SLC16A4: variants seen among roughly 807,000 people sequenced by gnomAD.
SLC16A4 encodes probable monocarboxylate transporter 5.
Under a neutral mutation model 47.9 loss-of-function variants are expected in SLC16A4, and 39 were observed. The ratio of observed to expected loss-of-function variants is 0.81; its 90% CI spans 0.63 to 1.06. The LOEUF is 1.06. Among genes scored for constraint, SLC16A4 ranks in the 50% least tolerant of loss-of-function variants. SLC16A4 has a pLI of 0.00. For synonymous variants in SLC16A4, 189 were observed against 199.9 expected, an observed-to-expected ratio of 0.95 and a Z score of 0.46; for missense variants, 524 against 573.8, an observed-to-expected ratio of 0.91 and a Z score of 0.89.
At chr1:110,375,279 A>G (rs1661928469) in intron 8 of SLC16A4, 179 bp downstream of exon 8, 5 of 603,328 alleles carry the variant, frequency 8.3e-6, no homozygotes, top group African/African-American at 1.9e-5. Flanking sequence ...TTAAGATAAT[A>G]CAAGAATCTG....
chr1:110,377,263 G>C, intron 6 of SLC16A4, 102 bp from the exon 7 acceptor site: 3 of 894,272 alleles, frequency 3.4e-6, no homozygotes, highest in Non-Finnish European at 5.2e-6. Flanking sequence ...CTGAGGCCAG[G>C]ATATGTGAGG....
chr1:110,379,078 T>C lies in SLC16A4; in HGVS notation c.805A>G (p.Asn269Asp), dbSNP rs1208146583. 4.3e-6 allele frequency: 7 copies of C among 1,614,242 alleles called. No individual in the cohort carries two copies. The highest frequency in any genetic ancestry group is 5.1e-6 in the Non-Finnish European group (6 of 1,180,042). The change falls in exon 6 of 9, where the codon AAC becomes GAC. Residue 269 changes from asparagine to aspartate, a missense_variant. Transcript: ENST00000369779. The stretch of plus-strand genomic sequence containing the variant: ...TCATCACTCTTTAATAACAGTCTGT[T>C]CCTGTTAGGCCCATTGTAGAACTCT... Reference protein sequence around the residue: ...SEEFYNGPNRNRLLLKSDEES... With the variant: ...SEEFYNGPNRDRLLLKSDEES...
chr1:110,381,014 G>A lies in SLC16A4; in HGVS notation c.494C>T (p.Thr165Ile). The change falls in exon 5 of 9, where the codon ACA (threonine) becomes ATA (isoleucine). Residue 165 changes from threonine to isoleucine, a missense_variant. By Grantham distance (89) the Thr-to-Ile change is moderately conservative. Coordinates refer to ENST00000369779, the MANE Select transcript of SLC16A4 (RefSeq NM_004696.3). ...GTCATACAGATCTATCAGGAATTTT[G>A]TAAAGGGTGCCAAAAGAAAAGTCAG... ...MGLTFLLAPF[T>I]KFLIDLYDWT... 6.2e-7 allele frequency: 1 copy of A among 1,614,092 alleles called. No individual in the cohort carries two copies. The highest frequency in any genetic ancestry group is 8.5e-7 in the Non-Finnish European group (1 of 1,179,972).
rs755989158 is a variant in SLC16A4, at chr1:110,381,023, G to A, written c.485C>T (p.Ala162Val). Residue 162 changes from alanine to valine, a missense_variant, in exon 5 of 9, where the codon GCA (alanine) becomes GTA (valine). Transcript: ENST00000369779. Reference sequence around the variant, plus strand: ...ATCTATCAGGAATTTTGTAAAGGGTGCCAAAAGAAAAGTCAGTCCCATCCC... The same window carrying A: ...ATCTATCAGGAATTTTGTAAAGGGTACCAAAAGAAAAGTCAGTCCCATCCC... ...RSGMGLTFLL[A>V]PFTKFLIDLY... The A allele has an allele frequency of 6.2e-7, 1 of 1,614,068 alleles. No homozygotes were observed. Among genetic ancestry groups the A allele is most frequent in the Non-Finnish European group, 8.5e-7 (1 of 1,179,958 alleles).
At chr1:110,372,930 C>T (rs1661760883) in intron 8 of SLC16A4, 1 of 152,034 alleles carries the variant, frequency 6.6e-6, no homozygotes. Context: ...TTTTATATCT[C>T]ATATTTTACA....
rs3820660 is a variant in SLC16A4 at position 110,375,695 on chromosome 1, A to G, written c.1243-144T>C. 222 of 546,110 alleles carry G rather than the reference A, an allele frequency of 4.1e-4. No individual in the cohort carries two copies. The East Asian group carries it at 4.6e-3, about 11-fold the overall frequency. The allele number at this position is 546,110 out of a possible 1,614,324, so 33.8% of individuals were successfully genotyped here. On this transcript the variant is annotated intron_variant, in intron 7 of 8. Coordinates refer to ENST00000369779, the MANE Select transcript of SLC16A4 (RefSeq NM_004696.3). Reference sequence around the variant, plus strand: ...TGAGTTGGTTGGCTTTTTGCCCCCAATATTGTGAAAGAGCTGAGGACTAAT... The same window carrying G: ...TGAGTTGGTTGGCTTTTTGCCCCCAGTATTGTGAAAGAGCTGAGGACTAAT...
rs1468175055 is a variant in SLC16A4, at chr1:110,368,016, G to C, written c.1337-4123C>G. On this transcript the variant is annotated intron_variant, in intron 8 of 8. Transcript: ENST00000369779. ...GCTAATTTTTTGTATTTTTAGTAGA[G>C]ACAGGGTTTCACCATGTTAGCCAGG... 2.7e-4 allele frequency among the ~76,000 whole-genome samples: 41 copies of C among 152,142 alleles called. 1 individual carries two copies.
chr1:110,389,383 A>C (rs1662908143), intron 1 of SLC16A4, 28 bp from the exon 2 acceptor site: 1 of 1,283,814 alleles, frequency 7.8e-7, no homozygotes, highest in Non-Finnish European at 1.1e-6. Flanking sequence ...CAGTTGATTC[A>C]GTGGACCAGA....
At chr1:110,381,402 G>T (rs535921878) in intron 4 of SLC16A4, among the ~76,000 whole-genome samples, 1 of 152,282 alleles carries the variant, frequency 6.6e-6, no homozygotes, top group Admixed American at 6.5e-5. Context: ...GCTCACAACA[G>T]CCTCAGCTTC....
intron 8 of SLC16A4, chr1:110,371,713 G>A (rs1661695159): frequency 6.6e-6 from 1 of 152,198 alleles, no homozygotes; most frequent in East Asian, 1.9e-4. Flanking sequence ...TGGCCTACAC[G>A]TAGGTCTACT....
At chr1:110,371,300 G>A (rs188728428) in intron 8 of SLC16A4, 1 of 152,260 alleles carries the variant, frequency 6.6e-6, no homozygotes, top group East Asian at 1.9e-4. Flanking sequence ...GGGGAATATG[G>A]AGAAGTGGGG....
chr1:110,376,726 TG>T (rs1353332310), intron 7 of SLC16A4, among the ~76,000 whole-genome samples: 6 of 150,514 alleles, frequency 4.0e-5, no homozygotes, highest in African/African-American at 1.5e-4. Flanking sequence ...ATCCCTTTTT[TG>T]CTTTAATTTT....
At chr1:110,390,642 G>A (rs979218815) in intron 1 of SLC16A4, among the ~76,000 whole-genome samples, 7 of 152,206 alleles carry the variant, frequency 4.6e-5, no homozygotes, top group Admixed American at 3.3e-4. Context: ...ATAAACAAGT[G>A]TATATAAAGA....
chr1:110,381,267 AAG>A, intron 4 of SLC16A4, 124 bp from the exon 5 acceptor site: 1 of 771,152 alleles, frequency 1.3e-6, no homozygotes, highest in African/African-American at 1.7e-5. Context: ...AGTAGAAGGG[AAG>A]AGTCCTGTTC....
chr1:110,389,428 G>C lies in SLC16A4; in HGVS notation c.-32-73C>G, dbSNP rs111381257. 5.9e-3 allele frequency: 5,480 copies of C among 931,058 alleles called. 178 individuals are homozygous for C. The African/African-American group carries it at 0.075, about 13-fold the overall frequency. 57.7% of individuals were successfully genotyped at this position (931,058 alleles called of 1,614,324 possible). On this transcript the variant is annotated intron_variant, in intron 1 of 8. Transcript: ENST00000369779. The stretch of plus-strand genomic sequence containing the variant: ...AAACTTTTAAACTTTTTATCTGAAA[G>C]GGAACGTTCATACATTGTTGGTGGG...
At chr1:110,378,593 A>G (rs1662154799) in intron 6 of SLC16A4, among the ~76,000 whole-genome samples, 1 of 152,164 alleles carries the variant, frequency 6.6e-6, no homozygotes, top group African/African-American at 2.4e-5. Context: ...AATAATGTCT[A>G]CTGTGTCAAA....
rs769999479 is a variant in SLC16A4 at position 110,378,882 on chromosome 1, A to G, written c.1001T>C (p.Met334Thr). The G allele has an allele frequency of 1.9e-6, 3 of 1,613,770 alleles. No individual in the cohort carries two copies. The highest frequency in any genetic ancestry group is 8.5e-7 in the Non-Finnish European group (1 of 1,179,758). Residue 334 changes from methionine (M) to threonine (T), a missense_variant, in exon 6 of 9, where the codon ATG becomes ACG. Met to Thr is a moderately conservative substitution (Grantham distance 81). Coordinates refer to ENST00000369779, the MANE Select transcript of SLC16A4 (RefSeq NM_004696.3). ...ARAKTLGIDI[M>T]DASYLVSVAG... ...TACAGAAACAAGGTAAGAGGCATCC[A>G]TGATGTCAATCCCCAGTGTTTTGGC...
Position 110,381,316 on chromosome 1 carries a change from T to C in SLC16A4, c.365-173A>G, listed in dbSNP as rs556868028. ...TTCTATGGATGGATGCATATATACA[T>C]ACACACACACACACACATATTTTGA... is the stretch of plus-strand genomic sequence containing the variant. On this transcript the variant is annotated intron_variant, in intron 4 of 8. Coordinates refer to ENST00000369779, the MANE Select transcript of SLC16A4 (RefSeq NM_004696.3). 6.7e-4 allele frequency among the ~76,000 whole-genome samples: 101 copies of C among 150,946 alleles called. 1 individual carries two copies. The East Asian group carries it at 0.017, about 25-fold the overall frequency.
chr1:110,367,272 T>G (rs773770304), intron 8 of SLC16A4, among the ~76,000 whole-genome samples: 6 of 152,194 alleles, frequency 3.9e-5, no homozygotes, highest in Non-Finnish European at 5.9e-5. Flanking sequence ...GGCAGGCAGA[T>G]CACTTGAGCC....
Sources: allele counts gnomAD v4.1 joint callset (sites outside exome capture counted in the v4.1 genomes callset), GRCh38; gene constraint gnomAD v4.1.1; transcripts MANE v1.5; gene names NCBI Gene and HGNC (gene_info 2026-07-23, HGNC 2026-07-21).